Variants in BOLL observed in about 807,000 individuals in gnomAD.
BOLL encodes boule RNA binding protein, also known as protein boule-like.
A neutral mutation model predicts 44.4 loss-of-function variants in BOLL; 23 were observed. The ratio of observed to expected loss-of-function variants is 0.52; its 90% CI spans 0.37 to 0.73. The LOEUF (loss-of-function observed/expected upper bound fraction) is 0.73. Ranked by LOEUF, BOLL falls within the 30% of genes least tolerant of loss-of-function variation. The pLI, the probability that BOLL is intolerant of heterozygous loss-of-function variation, is 0.00. For synonymous variants in BOLL, 97 were observed against 110.8 expected (o/e 0.88, Z 0.78); for missense variants, 287 against 338.3 (o/e 0.85, Z 1.19).
At chr2:197,731,883 C>A (rs1687200530) in intron 10 of BOLL, among the ~76,000 whole-genome samples, 1 of 148,854 alleles carries the variant, frequency 6.7e-6, no homozygotes, top group Admixed American at 6.7e-5. Context: ...AAATTGACAC[C>A]CTAACCTCAC....
At chr2:197,772,016 G>C in intron 5 of BOLL, 34 bp from the exon 6 acceptor site, 1 of 1,482,248 alleles carries the variant, frequency 6.7e-7, no homozygotes, top group Non-Finnish European at 9.1e-7. Context: ...TAATTGAAAT[G>C]TTCAATTTAA....
chr2:197,747,714 A>T (rs1376846480), intron 9 of BOLL, among the ~76,000 whole-genome samples: 2 of 152,190 alleles, frequency 1.3e-5, no homozygotes, highest in African/African-American at 2.4e-5. Flanking sequence ...ATAATATTAA[A>T]AAAGTAATAA....
intron 10 of BOLL, among the ~76,000 whole-genome samples, chr2:197,729,314 A>G (rs550875324): frequency 1.3e-5 from 2 of 152,242 alleles, no homozygotes; most frequent in African/African-American, 2.4e-5. Flanking sequence ...GGAGGGTCCT[A>G]CGCCCACGGA....
At chr2:197,728,635 G>T in intron 10 of BOLL, 57 bp from the exon 11 acceptor site, 1 of 1,258,624 alleles carries the variant, frequency 7.9e-7, no homozygotes, top group Non-Finnish European at 1.2e-6. Context: ...AAAAAGATAA[G>T]TTAGAACAGA....
At chr2:197,752,049 C>T (rs1210718753) in intron 9 of BOLL, among the ~76,000 whole-genome samples, 1 of 152,100 alleles carries the variant, frequency 6.6e-6, no homozygotes, top group Non-Finnish European at 1.5e-5. Flanking sequence ...ACGACAAAAA[C>T]CACATGATTA....
intron 9 of BOLL, among the ~76,000 whole-genome samples, chr2:197,752,816 A>G (rs1688324280): frequency 2.0e-5 from 3 of 152,234 alleles, no homozygotes; most frequent in Non-Finnish European, 2.9e-5. Context: ...TAAATTTCAT[A>G]TGGAACCAAA....
At chr2:197,749,859 A>C (rs1243149554) in intron 9 of BOLL, among the ~76,000 whole-genome samples, 1 of 152,136 alleles carries the variant, frequency 6.6e-6, no homozygotes, top group East Asian at 1.9e-4. Context: ...AGACAGGCCA[A>C]CATTCAAATT....
At chr2:197,757,550 C>T in intron 7 of BOLL, 150 bp from the exon 8 acceptor site, 1 of 592,118 alleles carries the variant, frequency 1.7e-6, no homozygotes, top group Non-Finnish European at 2.9e-6. Context: ...CAAAATGGAC[C>T]AGAGACTTAA....
chr2:197,753,460 CA>C (rs1364370868), intron 9 of BOLL, among the ~76,000 whole-genome samples: 6 of 151,960 alleles, frequency 3.9e-5, no homozygotes, highest in Non-Finnish European at 7.4e-5. Context: ...ACAATCCCAT[CA>C]AAAAATGGGT....
chr2:197,746,918 A>G (rs992647576), intron 9 of BOLL, among the ~76,000 whole-genome samples: 6 of 142,496 alleles, frequency 4.2e-5, no homozygotes, highest in African/African-American at 1.3e-4. Context: ...AAAAAAAAAA[A>G]GCAGAGAGAA....
intron 10 of BOLL, among the ~76,000 whole-genome samples, chr2:197,733,530 C>A (rs1388442600): frequency 1.3e-5 from 2 of 151,862 alleles, no homozygotes; most frequent in Non-Finnish European, 2.9e-5. Flanking sequence ...AAGAACAAAG[C>A]TGGAGGCATC....
At chr2:197,758,951 T>G in intron 7 of BOLL, 1 of 1,535,916 alleles carries the variant, frequency 6.5e-7, no homozygotes, top group Non-Finnish European at 8.7e-7. Flanking sequence ...CCTCATCACA[T>G]TTGGTAAAAG....
chr2:197,733,760 T>C (rs1324150949), intron 10 of BOLL, among the ~76,000 whole-genome samples: 1 of 152,182 alleles, frequency 6.6e-6, no homozygotes, highest in Admixed American at 6.6e-5. Flanking sequence ...GCTAGCCATA[T>C]GTAGAAAGCT....
intron 6 of BOLL, among the ~76,000 whole-genome samples, chr2:197,770,664 A>C (rs1045100699): frequency 5.3e-5 from 8 of 152,200 alleles, no homozygotes; most frequent in Admixed American, 5.2e-4. Context: ...AAAATCAAAC[A>C]ACCCCATCAA....
At chr2:197,735,314 A>G (rs969073158) in intron 10 of BOLL, among the ~76,000 whole-genome samples, 4 of 151,980 alleles carry the variant, frequency 2.6e-5, no homozygotes, top group Non-Finnish European at 5.9e-5. Flanking sequence ...GTTTCTAGGA[A>G]GTTTTCTTCT....
chr2:197,772,603 C>T (rs1402852981), intron 5 of BOLL, among the ~76,000 whole-genome samples: 1 of 151,910 alleles, frequency 6.6e-6, no homozygotes, highest in Non-Finnish European at 1.5e-5. Flanking sequence ...GCTGCTGTTG[C>T]AAACATGACC....
At chr2:197,755,599 T>C (rs1238601378) in intron 9 of BOLL, among the ~76,000 whole-genome samples, 1 of 152,180 alleles carries the variant, frequency 6.6e-6, no homozygotes, top group African/African-American at 2.4e-5. Context: ...TGCTGGGACA[T>C]GGATGGAGCT....
chr2:197,752,772 T>C (rs550929536), intron 9 of BOLL, among the ~76,000 whole-genome samples: 4 of 152,230 alleles, frequency 2.6e-5, no homozygotes, highest in East Asian at 1.9e-4. Flanking sequence ...CAAGCTACCA[T>C]TGACTTTCTT....
intron 9 of BOLL, among the ~76,000 whole-genome samples, chr2:197,745,403 A>T (rs912211579): frequency 1.3e-5 from 2 of 152,184 alleles, no homozygotes; most frequent in African/African-American, 4.8e-5. Context: ...AAACAAAAAC[A>T]TGCAAATATT....
Sources: gnomAD v4.1 joint callset for allele counts (sites outside exome capture counted in the v4.1 genomes callset) on GRCh38, gnomAD v4.1.1 for gene constraint, MANE v1.5 for transcripts, NCBI Gene and HGNC (gene_info 2026-07-23, HGNC 2026-07-21) for gene names.